Variants in KDM6A observed in about 807,000 individuals in gnomAD.
KDM6A encodes lysine demethylase 6A.
KDM6A carries 11 observed loss-of-function variants against 117.6 expected under a neutral mutation model. The observed-to-expected ratio is 0.09, with a 90% CI of 0.06 to 0.15. KDM6A has a LOEUF of 0.15. Among genes scored for constraint, KDM6A ranks in the 10% least tolerant of loss-of-function variants. KDM6A has a pLI of 1.00. For missense variants in KDM6A, 799 were observed against 1,077.3 expected (o/e 0.74, Z 3.62); for synonymous variants, 384 against 396.1 (o/e 0.97, Z 0.36).
At chrX:44,902,418 C>G in intron 2 of KDM6A, among the ~76,000 whole-genome samples, 1 of 105,015 alleles carries the variant, frequency 9.5e-6, no homozygotes, top group African/African-American at 3.5e-5. Context: ...GAGATGAAGT[C>G]TTGCTCTGTC....
intron 3 of KDM6A, among the ~76,000 whole-genome samples, chrX:44,963,677 A>G (rs752379695): frequency 1.8e-5 from 2 of 110,404 alleles, no homozygotes; most frequent in South Asian, 7.8e-4. Context: ...GAACCCATCA[A>G]AGTCATCTAT....
chrX:44,978,877 T>G (rs891302334), intron 4 of KDM6A, among the ~76,000 whole-genome samples: 2 of 112,010 alleles, frequency 1.8e-5, no homozygotes, highest in African/African-American at 6.5e-5. Flanking sequence ...TAGCTTTCAT[T>G]TGGCATGCTT....
At chrX:44,886,904 T>C (rs1260850536) in intron 2 of KDM6A, among the ~76,000 whole-genome samples, 1 of 110,624 alleles carries the variant, frequency 9.0e-6, no homozygotes, top group African/African-American at 3.3e-5. Context: ...CAAAAAAGTA[T>C]AGCCTTTAGT....
intron 2 of KDM6A, among the ~76,000 whole-genome samples, chrX:44,909,087 C>T (rs2034913893): frequency 9.0e-6 from 1 of 111,463 alleles, no homozygotes; most frequent in East Asian, 2.8e-4. Flanking sequence ...ATCTCTTGCC[C>T]CTTCATAGTT....
At chrX:45,098,569 A>G (rs1228656235) in intron 27 of KDM6A, among the ~76,000 whole-genome samples, 1 of 112,716 alleles carries the variant, frequency 8.9e-6, no homozygotes, top group Non-Finnish European at 1.9e-5. Context: ...AGCTTTAGAC[A>G]TGCAGAACTT....
chrX:45,044,166 CAT>C (rs1366583213), intron 8 of KDM6A, among the ~76,000 whole-genome samples: 2 of 112,148 alleles, frequency 1.8e-5, no homozygotes, highest in African/African-American at 6.5e-5. Context: ...TTAAGTGACA[CAT>C]GACTGTATAA....
At chrX:45,085,246 G>C (rs766571277) in intron 24 of KDM6A, among the ~76,000 whole-genome samples, 1 of 111,797 alleles carries the variant, frequency 8.9e-6, no homozygotes, top group Non-Finnish European at 1.9e-5. Context: ...AAATGGTAAT[G>C]ATATCTATAA....
At chrX:44,875,460 C>T (rs762628535) in intron 2 of KDM6A, among the ~76,000 whole-genome samples, 10 of 111,124 alleles carry the variant, frequency 9.0e-5, no homozygotes, top group Middle Eastern at 4.6e-3. Context: ...ACTTTGACTA[C>T]GTAGGTATTA....
intron 17 of KDM6A, among the ~76,000 whole-genome samples, chrX:45,068,562 A>G (rs773960483): frequency 5.2e-5 from 3 of 57,957 alleles, no homozygotes; most frequent in Non-Finnish European, 2.8e-5. Context: ...CTTTTTTTTT[A>G]AAAAAAAAAA....
At chrX:45,005,024 C>T (rs1299698774) in intron 4 of KDM6A, among the ~76,000 whole-genome samples, 2 of 108,231 alleles carry the variant, frequency 1.8e-5, no homozygotes, top group African/African-American at 6.7e-5. Flanking sequence ...AAGCCAGTGG[C>T]CCCCCCCTCC....
At position 44,943,510 on chromosome X, in the gene KDM6A, C is replaced by G. The variant is rs1056366227; in HGVS notation, c.226-17774C>G. Among the ~76,000 whole-genome samples the G allele has an allele frequency of 6.3e-5, 7 of 112,000 alleles. No homozygotes were observed. The South Asian group carries it at 1.1e-3, about 18-fold the overall frequency. ...AGGGATGCCTGTTTGTAATTTCACT[C>G]ATTTTATGTATTTGATATGTTTAGA... On this transcript the variant is annotated intron_variant, in intron 2 of 29. Transcript: ENST00000611820.
intron 18 of KDM6A, among the ~76,000 whole-genome samples, chrX:45,071,506 G>A (rs971552559): frequency 1.8e-5 from 2 of 111,538 alleles, no homozygotes; most frequent in African/African-American, 3.3e-5. Flanking sequence ...TGGGTCTACC[G>A]TTAAATGTTT....
chrX:44,963,870 A>G (rs977739370), intron 3 of KDM6A, among the ~76,000 whole-genome samples: 6 of 109,522 alleles, frequency 5.5e-5, no homozygotes, highest in African/African-American at 2.0e-4. Flanking sequence ...CAGGCATGCG[A>G]CACCATGCCT....
chrX:45,058,130 C>G (rs2044158550), intron 10 of KDM6A, among the ~76,000 whole-genome samples: 1 of 81,788 alleles, frequency 1.2e-5, no homozygotes, highest in Non-Finnish European at 2.2e-5. Context: ...ATATGATGGT[C>G]TCTTCTTATC....
At chrX:44,998,406 T>A (rs2040970213) in intron 4 of KDM6A, among the ~76,000 whole-genome samples, 1 of 111,864 alleles carries the variant, frequency 8.9e-6, no homozygotes, top group African/African-American at 3.3e-5. Flanking sequence ...AAATCTGCAG[T>A]ACCATTAGAC....
At chrX:44,935,758 G>A (rs1190089012) in intron 2 of KDM6A, among the ~76,000 whole-genome samples, 2 of 111,837 alleles carry the variant, frequency 1.8e-5, no homozygotes, top group Non-Finnish European at 3.8e-5. Flanking sequence ...AACTGCAGTT[G>A]TCCGCTAGGG....
chrX:44,886,376 G>A (rs1269259774), intron 2 of KDM6A, among the ~76,000 whole-genome samples: 1 of 110,802 alleles, frequency 9.0e-6, no homozygotes, highest in East Asian at 2.9e-4. Flanking sequence ...GGAAGAATTG[G>A]CAAATTTTGC....
In KDM6A at chrX:45,043,542, C is replaced by T. The variant is rs193219949; in HGVS notation, c.654+5853C>T. On this transcript the variant is annotated intron_variant, in intron 8 of 29. Coordinates refer to ENST00000611820, the MANE Select transcript of KDM6A (RefSeq NM_001291415.2). ...CTGTAATCCCAGCACTTTGGGAGGC[C>T]GAGGCAGGTGGATCACTTGAAGCCC... Among the ~76,000 whole-genome samples, 75 of 110,828 alleles carry T rather than the reference C, an allele frequency of 6.8e-4. No individual in the cohort carries two copies. In the Middle Eastern group the frequency reaches 0.019, roughly 27 times the overall value.
chrX:45,109,055 C>T (rs1266219255), intron 28 of KDM6A, among the ~76,000 whole-genome samples: 6 of 102,701 alleles, frequency 5.8e-5, no homozygotes, highest in Non-Finnish European at 9.9e-5. Context: ...ACCACCATGG[C>T]ACATGTATAC....
Sources: gnomAD v4.1 joint callset for allele counts (sites outside exome capture counted in the v4.1 genomes callset) on GRCh38, gnomAD v4.1.1 for gene constraint, MANE v1.5 for transcripts, NCBI Gene and HGNC (gene_info 2026-07-23, HGNC 2026-07-21) for gene names.